Variants in PPDPFL observed in about 807,000 individuals in gnomAD.
PPDPFL encodes the protein pancreatic progenitor cell differentiation and proliferation factor like, also known as pancreatic progenitor cell differentiation and proliferation factor-like protein.
A neutral mutation model predicts 12.6 loss-of-function variants in PPDPFL; 12 were observed. The ratio of observed to expected loss-of-function variants is 0.95; its 90% CI spans 0.61 to 1.54. The LOEUF is 1.54. Ranked by LOEUF, PPDPFL falls within the 40% of genes most tolerant of loss-of-function variation. PPDPFL has a pLI of 0.00. For synonymous variants in PPDPFL, 24 were observed against 32.7 expected (o/e 0.73, Z 0.91); for missense variants, 114 against 96.0 (o/e 1.19, Z -0.78).
upstream of PPDPFL, among the ~76,000 whole-genome samples, chr8:49,070,870 ATGAG>A (rs760937037): frequency 6.6e-6 from 1 of 151,886 alleles, no homozygotes; most frequent in Non-Finnish European, 1.5e-5. Context: ...GTATGTGTGC[ATGAG>A]TGTGTGTGTG....
chr8:49,071,066 C>T (rs1808378722), upstream of PPDPFL, among the ~76,000 whole-genome samples: 1 of 152,176 alleles, frequency 6.6e-6, no homozygotes. Context: ...AATCACTCTT[C>T]TGTTGTCTGT....
chr8:49,059,231 G>T (rs1808158112), intron 1 of PPDPFL, among the ~76,000 whole-genome samples: 1 of 152,070 alleles, frequency 6.6e-6, no homozygotes, highest in Non-Finnish European at 1.5e-5. Context: ...GTGGTGTGTT[G>T]TGGTGTGGTG....
chr8:49,060,470 C>T lies in PPDPFL; in HGVS notation c.-45+6101C>T, dbSNP rs141780869. 1.6e-3 allele frequency among the ~76,000 whole-genome samples: 243 copies of T among 152,128 alleles called. 2 individuals carry two copies. Among genetic ancestry groups the T allele is most frequent in the African/African-American group, 5.0e-3 (209 of 41,498 alleles). ...CTGGGATTACAGGCATGCGGCACCACACCTGGCTAATTTTGTATTTTTAGT... is the reference window on the plus strand; with the variant it reads ...CTGGGATTACAGGCATGCGGCACCATACCTGGCTAATTTTGTATTTTTAGT... On this transcript the variant is annotated intron_variant, in intron 1 of 4. Transcript: ENST00000517663.
At chr8:49,068,429 T>C (rs1000571989), upstream of PPDPFL, among the ~76,000 whole-genome samples, 2 of 152,076 alleles carry the variant, frequency 1.3e-5, no homozygotes, top group Admixed American at 6.5e-5. Flanking sequence ...CCAAAACTTA[T>C]GAAGAAATCT....
In PPDPFL at chr8:49,074,120, C is replaced by T. The variant is rs377716224; in HGVS notation, c.117C>T (p.Asp39=). The change falls in exon 3 of 5, where the codon GAC becomes GAT. Residue 39 remains aspartate (D), a synonymous_variant. Coordinates refer to ENST00000522267, the MANE Select transcript of PPDPFL (RefSeq NM_001256597.2). The stretch of plus-strand genomic sequence containing the variant: ...CTGATTCTGTTAACTTCATAGATGA[C>T]GACAAACCACAGCAAGGTACTTAGT... ...TSSDSVNFID[D]DKPQQGLPEV... is the part of the protein sequence containing the mutation. 88 of 1,611,934 alleles carry T rather than the reference C, an allele frequency of 5.5e-5. 1 individual carries two copies. The highest frequency in any genetic ancestry group is 8.9e-5 in the East Asian group (4 of 44,870).
upstream of PPDPFL, among the ~76,000 whole-genome samples, chr8:49,070,762 TACA>T (rs1278075095): frequency 5.9e-5 from 9 of 152,326 alleles, no homozygotes; most frequent in Non-Finnish European, 1.2e-4. Context: ...ATTTAAGATG[TACA>T]ACATGATATG....
chr8:49,064,086 AAACTAGCCAGAC>A (rs1463192982), intron 1 of PPDPFL, among the ~76,000 whole-genome samples: 2 of 152,146 alleles, frequency 1.3e-5, no homozygotes, highest in Non-Finnish European at 2.9e-5. Context: ...ATGTTGCTCT[AAACTAGCCAGAC>A]AACTGGTACC....
intron 1 of PPDPFL, among the ~76,000 whole-genome samples, chr8:49,059,142 T>C (rs935705756): frequency 6.6e-6 from 1 of 152,170 alleles, no homozygotes; most frequent in Non-Finnish European, 1.5e-5. Flanking sequence ...CTGTCTCAGC[T>C]CTTTGATTTT....
At position 49,074,304 on chromosome 8, in the gene PPDPFL, T is replaced by C. The variant is rs780753198; in HGVS notation, c.204T>C (p.Asn68=). The change falls in exon 4 of 5, where the codon AAT becomes AAC. Residue 68 remains asparagine (N), a synonymous_variant. Transcript: ENST00000522267. ...SFFHSEPVLS[N]VRIKDLSATG... The stretch of plus-strand genomic sequence containing the variant: ...TCCATTCTGAACCTGTGCTTTCAAA[T>C]GTGAGAATAAAAGATCTGTCTGCTA... 29 of 1,613,904 alleles carry C rather than the reference T, an allele frequency of 1.8e-5. No homozygotes were observed. Among genetic ancestry groups the C allele is most frequent in the Non-Finnish European group, 2.3e-5 (27 of 1,179,886 alleles).
intron 1 of PPDPFL, among the ~76,000 whole-genome samples, chr8:49,057,413 A>T (rs1808128086): frequency 6.6e-6 from 1 of 152,160 alleles, no homozygotes; most frequent in Non-Finnish European, 1.5e-5. Flanking sequence ...TTCCCATTAG[A>T]TATGAAGGAG....
At chr8:49,070,768 A>G (rs1808370879), upstream of PPDPFL, among the ~76,000 whole-genome samples, 1 of 152,208 alleles carries the variant, frequency 6.6e-6, no homozygotes, top group African/African-American at 2.4e-5. Flanking sequence ...GATGTACAAC[A>G]TGATATGACA....
intron 1 of PPDPFL, among the ~76,000 whole-genome samples, chr8:49,061,816 G>A (rs1469304879): frequency 2.0e-5 from 3 of 152,200 alleles, no homozygotes; most frequent in African/African-American, 7.2e-5. Context: ...GAGAAGCTCA[G>A]AGTCTGCTTC....
intron 1 of PPDPFL, among the ~76,000 whole-genome samples, chr8:49,055,902 C>G (rs1808105048): frequency 2.0e-5 from 3 of 152,138 alleles, no homozygotes; most frequent in Non-Finnish European, 4.4e-5. Flanking sequence ...GTATAGCCAA[C>G]TTACAAAATT....
intron 1 of PPDPFL, among the ~76,000 whole-genome samples, chr8:49,066,344 G>C (rs988798947): frequency 6.6e-6 from 1 of 152,188 alleles, no homozygotes; most frequent in Non-Finnish European, 1.5e-5. Context: ...GGGGCTCTGT[G>C]TTGGTGGCTT....
chr8:49,061,093 G>A (rs988232264), intron 1 of PPDPFL, among the ~76,000 whole-genome samples: 2 of 152,068 alleles, frequency 1.3e-5, no homozygotes, highest in Admixed American at 1.3e-4. Flanking sequence ...TGGGTGACAG[G>A]TGGGGACCCA....
rs1808482119 is a variant in PPDPFL, at chr8:49,075,547, A to C, written c.*374A>C. On this transcript the variant is annotated 3_prime_UTR_variant, in exon 5 of 5. Coordinates refer to ENST00000522267, the MANE Select transcript of PPDPFL (RefSeq NM_001256597.2). ...TCTTCAAATGTTGTGACTTACATAAAGTAGCTCTTTCATTTTTTATATCAT... is the reference window on the plus strand; with the variant it reads ...TCTTCAAATGTTGTGACTTACATAACGTAGCTCTTTCATTTTTTATATCAT... 4.4e-6 allele frequency: 2 copies of C among 454,034 alleles called. No individual in the cohort carries two copies. The highest frequency in any genetic ancestry group is 3.9e-5 in the African/African-American group (2 of 50,686). The allele number at this position is 454,034 out of a possible 1,614,324, so 28.1% of individuals were successfully genotyped here.
intron 1 of PPDPFL, among the ~76,000 whole-genome samples, chr8:49,055,838 C>G (rs544010257): frequency 6.6e-6 from 1 of 152,162 alleles, no homozygotes; most frequent in South Asian, 2.1e-4. Context: ...AGTAGCCACT[C>G]TTGTTTTTTA....
upstream of PPDPFL, among the ~76,000 whole-genome samples, chr8:49,067,943 G>A (rs1808325388): frequency 6.6e-6 from 1 of 152,252 alleles, no homozygotes; most frequent in Middle Eastern, 3.4e-3. Flanking sequence ...TGCTGAGCAT[G>A]TGATTGTGAT....
chr8:49,063,151 C>T (rs1302404029), intron 1 of PPDPFL, among the ~76,000 whole-genome samples: 1 of 152,162 alleles, frequency 6.6e-6, no homozygotes, highest in East Asian at 1.9e-4. Flanking sequence ...GGAGCCCTGA[C>T]CCAGGTCTGG....
Sources: allele counts gnomAD v4.1 joint callset (sites outside exome capture counted in the v4.1 genomes callset), GRCh38; gene constraint gnomAD v4.1.1; transcripts MANE v1.5; gene names NCBI Gene and HGNC (gene_info 2026-07-23, HGNC 2026-07-21).